The following CDH18 variants were observed in gnomAD, a reference collection of about 807,000 sequenced individuals.
CDH18 encodes the protein cadherin 18, also known as cadherin-18.
Under a neutral mutation model 67.9 loss-of-function variants are expected in CDH18, and 31 were observed. The observed-to-expected ratio is 0.46, with a 90% CI of 0.34 to 0.62. The LOEUF (loss-of-function observed/expected upper bound fraction) is 0.62. Among genes scored for constraint, CDH18 ranks in the 20% least tolerant of loss-of-function variants. The pLI is 0.01. For synonymous variants in CDH18, 362 were observed against 347.2 expected (o/e 1.04, Z -0.48); for missense variants, 890 against 975.5 (o/e 0.91, Z 1.17).
chr5:20,211,103 G>C lies in CDH18; in HGVS notation c.-518+44341C>G, dbSNP rs79777373. ...ATAAAGCCAGTGACACAAATGTTTT[G>C]GTTTCCCAGTAATTATAAAAATTAT... On this transcript the variant is annotated intron_variant, in intron 2 of 14. Transcript: ENST00000507958. Among the ~76,000 whole-genome samples the C allele has an allele frequency of 5.7e-3, 861 of 152,018 alleles. 10 individuals are homozygous for C. Among genetic ancestry groups the C allele is most frequent in the African/African-American group, 0.02 (825 of 41,468 alleles).
At chr5:19,742,270 T>G (rs1310908263) in intron 4 of CDH18, among the ~76,000 whole-genome samples, 2 of 152,248 alleles carry the variant, frequency 1.3e-5, no homozygotes, top group African/African-American at 4.8e-5. Flanking sequence ...AATAATCTGA[T>G]AAAATCTTAC....
chr5:19,740,143 TA>T (rs1214289681), intron 4 of CDH18, among the ~76,000 whole-genome samples: 2 of 152,202 alleles, frequency 1.3e-5, no homozygotes, highest in East Asian at 3.8e-4. Flanking sequence ...TGTTAAAATA[TA>T]ATATTTATTC....
intron 8 of CDH18, among the ~76,000 whole-genome samples, chr5:19,553,056 A>G (rs11949849): frequency 0.12 from 18,608 of 152,170 alleles, 1,236 homozygotes; most frequent in Non-Finnish European, 0.13. Context: ...TTATGACCAT[A>G]GTAAAAATTC....
intron 3 of CDH18, among the ~76,000 whole-genome samples, chr5:19,836,306 T>G (rs565675682): frequency 1.2e-3 from 181 of 152,240 alleles, no homozygotes; most frequent in Non-Finnish European, 2.3e-3. Context: ...TGTTCCTATT[T>G]CTCCACATCC....
At chr5:20,168,055 G>A (rs1736426356) in intron 2 of CDH18, among the ~76,000 whole-genome samples, 1 of 152,126 alleles carries the variant, frequency 6.6e-6, no homozygotes, top group Non-Finnish European at 1.5e-5. Context: ...ATTACCTTTA[G>A]TGAAAGTCTG....
chr5:20,494,263 T>G (rs192935001), intron 1 of CDH18, among the ~76,000 whole-genome samples: 1 of 152,160 alleles, frequency 6.6e-6, no homozygotes, highest in Admixed American at 6.5e-5. Flanking sequence ...AATATAAAAT[T>G]TTAAATACTG....
At chr5:20,138,480 G>A (rs143642752) in intron 2 of CDH18, among the ~76,000 whole-genome samples, 2,097 of 152,204 alleles carry the variant, frequency 0.014, 39 homozygotes, top group African/African-American at 0.047. Flanking sequence ...TCAGGCAGGA[G>A]AAAGAAATAA....
intron 2 of CDH18, among the ~76,000 whole-genome samples, chr5:20,206,960 T>C (rs1234283979): frequency 1.3e-5 from 2 of 152,030 alleles, no homozygotes; most frequent in Non-Finnish European, 2.9e-5. Context: ...TTATCTCTAC[T>C]TTTATTCAAT....
At chr5:20,525,436 G>A (rs996381195) in intron 1 of CDH18, among the ~76,000 whole-genome samples, 8 of 151,996 alleles carry the variant, frequency 5.3e-5, no homozygotes, top group African/African-American at 1.9e-4. Context: ...GCAACACCCT[G>A]GAAATCAGAG....
chr5:19,672,588 A>T (rs1307980794), intron 5 of CDH18, among the ~76,000 whole-genome samples: 1 of 152,054 alleles, frequency 6.6e-6, no homozygotes, highest in African/African-American at 2.4e-5. Flanking sequence ...GGAAGGACCA[A>T]ACAACTTAGT....
chr5:20,404,805 G>T (rs1746085761), intron 1 of CDH18, among the ~76,000 whole-genome samples: 1 of 152,068 alleles, frequency 6.6e-6, no homozygotes, highest in South Asian at 2.1e-4. Flanking sequence ...TCCATGCAGG[G>T]TTGCTATAAA....
chr5:19,569,674 C>G (rs1741034224), intron 8 of CDH18, among the ~76,000 whole-genome samples: 1 of 152,070 alleles, frequency 6.6e-6, no homozygotes, highest in South Asian at 2.1e-4. Flanking sequence ...CTATAGTCAC[C>G]CTACTGATCT....
intron 5 of CDH18, among the ~76,000 whole-genome samples, chr5:19,627,838 G>C (rs1307683374): frequency 1.3e-5 from 2 of 152,070 alleles, no homozygotes; most frequent in East Asian, 3.9e-4. Context: ...TACATTCATG[G>C]GACCAGAATA....
chr5:19,564,238 C>T (rs150088761), intron 8 of CDH18, among the ~76,000 whole-genome samples: 30 of 152,274 alleles, frequency 2.0e-4, no homozygotes, highest in African/African-American at 6.7e-4. Context: ...TAGTGAGAAG[C>T]CAGCTGGCGT....
chr5:19,993,973 C>G (rs1800128596), intron 2 of CDH18, among the ~76,000 whole-genome samples: 1 of 152,102 alleles, frequency 6.6e-6, no homozygotes, highest in Non-Finnish European at 1.5e-5. Flanking sequence ...GGCATATTGG[C>G]AGACTATTAA....
rs199618769 is a variant in CDH18 at position 19,506,914 on chromosome 5, T to C, written c.1513-3805A>G. Among the ~76,000 whole-genome samples the C allele has an allele frequency of 6.6e-5, 10 of 152,214 alleles. No individual in the cohort carries two copies. In the East Asian group the frequency reaches 1.9e-3, roughly 29 times the overall value. Reference sequence around the variant, plus strand: ...CCAAAATTGACAAATGGGATCTAATTAAACTAAAGAGCTTCTGCACAGTGA... The same window carrying C: ...CCAAAATTGACAAATGGGATCTAATCAAACTAAAGAGCTTCTGCACAGTGA... On this transcript the variant is annotated intron_variant, in intron 10 of 12. Coordinates refer to ENST00000382275, the MANE Select transcript of CDH18 (RefSeq NM_004934.5).
chr5:20,041,831 C>A (rs571511448), intron 2 of CDH18, among the ~76,000 whole-genome samples: 2 of 152,264 alleles, frequency 1.3e-5, no homozygotes, highest in South Asian at 4.1e-4. Flanking sequence ...GGAAAAGAAG[C>A]AGAATAATAA....
In CDH18 at chr5:20,389,474, A is replaced by G. The variant is rs143144711; in HGVS notation, c.-579-133969T>C. Among the ~76,000 whole-genome samples the G allele has an allele frequency of 0.017, 2,621 of 152,080 alleles. 253 individuals are homozygous for G. In the East Asian group the frequency reaches 0.3, roughly 17 times the overall value. On this transcript the variant is annotated intron_variant, in intron 1 of 14. Transcript: ENST00000507958. Reference sequence around the variant, plus strand: ...TGCACGTGAGATGGGTTTCCTGAATACAGCACACTGATGGTTCTTGACTCT... The same window carrying G: ...TGCACGTGAGATGGGTTTCCTGAATGCAGCACACTGATGGTTCTTGACTCT...
chr5:19,886,656 G>T (rs1471966369), intron 2 of CDH18, among the ~76,000 whole-genome samples: 2 of 152,026 alleles, frequency 1.3e-5, no homozygotes, highest in Non-Finnish European at 2.9e-5. Flanking sequence ...ATATATAGGA[G>T]GGTGGCCACA....
Sources: allele counts gnomAD v4.1 joint callset (sites outside exome capture counted in the v4.1 genomes callset), GRCh38; gene constraint gnomAD v4.1.1; transcripts MANE v1.5; gene names NCBI Gene and HGNC (gene_info 2026-07-23, HGNC 2026-07-21).